The following PDZRN4 variants were observed in gnomAD, a reference collection of about 807,000 sequenced individuals.
PDZRN4 encodes PDZ domain-containing RING finger protein 4.
Under a neutral mutation model 99.0 loss-of-function variants are expected in PDZRN4, and 70 were observed. The ratio of observed to expected loss-of-function variants is 0.71; its 90% CI spans 0.58 to 0.86. The LOEUF (loss-of-function observed/expected upper bound fraction) is 0.86. PDZRN4 is among the 40% of genes least tolerant of loss of function. The probability of loss-of-function intolerance (pLI) is 0.00; values close to 1 mark genes in which losing one functional copy is unlikely to be tolerated. For synonymous variants in PDZRN4, 551 were observed against 501.6 expected (o/e 1.10, Z -1.32); for missense variants, 1,474 against 1,331.2 (o/e 1.11, Z -1.67).
chr12:41,322,449 T>C (rs1459150197), intron 3 of PDZRN4, among the ~76,000 whole-genome samples: 2 of 151,426 alleles, frequency 1.3e-5, no homozygotes, highest in Non-Finnish European at 2.9e-5. Context: ...TTATGGAATG[T>C]TGTATAAAAC....
At chr12:41,353,805 A>T (rs1951908155) in intron 3 of PDZRN4, among the ~76,000 whole-genome samples, 1 of 152,090 alleles carries the variant, frequency 6.6e-6, no homozygotes, top group South Asian at 2.1e-4. Flanking sequence ...TTTCTACTTT[A>T]ACCAGTTAGA....
intron 3 of PDZRN4, among the ~76,000 whole-genome samples, chr12:41,503,456 A>G (rs1326693299): frequency 3.3e-5 from 5 of 152,196 alleles, no homozygotes; most frequent in African/African-American, 1.2e-4. Context: ...GAACGCTAAT[A>G]TTGTTTGCAC....
At chr12:41,298,859 A>T (rs1166270150) in intron 3 of PDZRN4, among the ~76,000 whole-genome samples, 1 of 152,176 alleles carries the variant, frequency 6.6e-6, no homozygotes, top group Non-Finnish European at 1.5e-5. Context: ...AGAAAGCAAC[A>T]TATACCCCTT....
chr12:41,387,382 G>T (rs927206388), intron 3 of PDZRN4, among the ~76,000 whole-genome samples: 1 of 152,130 alleles, frequency 6.6e-6, no homozygotes, highest in Non-Finnish European at 1.5e-5. Context: ...TCAGGAGTTT[G>T]CAACCAGCCT....
chr12:41,494,345 G>A (rs567308235), intron 3 of PDZRN4, among the ~76,000 whole-genome samples: 18 of 152,050 alleles, frequency 1.2e-4, no homozygotes, highest in Admixed American at 1.3e-4. Flanking sequence ...AGTTGCTTAA[G>A]TTATTTAGTT....
At chr12:41,417,172 C>T (rs1355414837) in intron 3 of PDZRN4, among the ~76,000 whole-genome samples, 3 of 152,136 alleles carry the variant, frequency 2.0e-5, no homozygotes, top group Non-Finnish European at 4.4e-5. Context: ...TAAAGAAACA[C>T]ATCTTTAGAT....
intron 3 of PDZRN4, among the ~76,000 whole-genome samples, chr12:41,380,596 A>G (rs895924185): frequency 6.6e-6 from 1 of 152,090 alleles, no homozygotes; most frequent in Non-Finnish European, 1.5e-5. Flanking sequence ...AACTTTGATC[A>G]TGTAGAAAAC....
chr12:41,289,965 T>C (rs1951446983), intron 3 of PDZRN4, among the ~76,000 whole-genome samples: 1 of 152,194 alleles, frequency 6.6e-6, no homozygotes, highest in South Asian at 2.1e-4. Flanking sequence ...ATGAAAGCCT[T>C]GGAAATTTTG....
At chr12:41,470,767 C>T (rs903548049) in intron 3 of PDZRN4, among the ~76,000 whole-genome samples, 1 of 152,084 alleles carries the variant, frequency 6.6e-6, no homozygotes, top group Non-Finnish European at 1.5e-5. Flanking sequence ...TGATACAGAT[C>T]GCTTCTGCTT....
intron 3 of PDZRN4, among the ~76,000 whole-genome samples, chr12:41,351,818 G>A (rs1565559608): frequency 6.6e-6 from 1 of 151,978 alleles, no homozygotes; most frequent in South Asian, 2.1e-4. Context: ...TATCAAACAG[G>A]TGTATTGAAG....
At chr12:41,348,332 T>A (rs986265642) in intron 3 of PDZRN4, among the ~76,000 whole-genome samples, 1 of 152,096 alleles carries the variant, frequency 6.6e-6, no homozygotes, top group Non-Finnish European at 1.5e-5. Context: ...TAAGTCAAGA[T>A]AATTTTCATA....
chr12:41,386,431 T>C (rs1258880807), intron 3 of PDZRN4, among the ~76,000 whole-genome samples: 2 of 152,128 alleles, frequency 1.3e-5, no homozygotes, highest in African/African-American at 2.4e-5. Context: ...GTGAAAGATC[T>C]CTACAATGAG....
At chr12:41,548,633 A>C (rs1464447685) in intron 5 of PDZRN4, among the ~76,000 whole-genome samples, 2 of 152,188 alleles carry the variant, frequency 1.3e-5, no homozygotes, top group South Asian at 4.1e-4. Context: ...TATGGCATGC[A>C]TGGGCCTAAG....
chr12:41,230,415 T>A (rs1951020695), intron 3 of PDZRN4, among the ~76,000 whole-genome samples: 1 of 152,086 alleles, frequency 6.6e-6, no homozygotes, highest in South Asian at 2.1e-4. Flanking sequence ...TAATAACTAG[T>A]AACTGCGTCT....
rs981774577 is a variant in PDZRN4, at chr12:41,490,434, G to A, written c.844-16022G>A. ...CTTTCTCAGCGTGTCTAAATGGGCC[G>A]TAATTATTTGCAGACAAACATTGAA... On this transcript the variant is annotated intron_variant, in intron 3 of 9. Coordinates refer to ENST00000402685, the MANE Select transcript of PDZRN4 (RefSeq NM_001164595.2). Among the ~76,000 whole-genome samples the A allele has an allele frequency of 7.2e-5, 11 of 152,068 alleles. 1 individual carries two copies. Among genetic ancestry groups the A allele is most frequent in the Non-Finnish European group, 7.4e-5 (5 of 68,006 alleles).
intron 3 of PDZRN4, among the ~76,000 whole-genome samples, chr12:41,403,074 C>A (rs1295269444): frequency 2.0e-5 from 3 of 152,068 alleles, no homozygotes; most frequent in Admixed American, 6.6e-5. Context: ...TTTAAAAATT[C>A]AGAATTAATG....
At chr12:41,544,192 A>C (rs78674641) in intron 5 of PDZRN4, among the ~76,000 whole-genome samples, 10,007 of 152,280 alleles carry the variant, frequency 0.066, 824 homozygotes, top group East Asian at 0.17. Flanking sequence ...TGAATAAGTA[A>C]AAACTGAACA....
chr12:41,262,730 A>G (rs1946568), intron 3 of PDZRN4, among the ~76,000 whole-genome samples: 142,863 of 152,204 alleles, frequency 0.94, 67,252 homozygotes, highest in Middle Eastern at 0.98. Flanking sequence ...ACTAGTCATG[A>G]GCTGAATACT....
intron 3 of PDZRN4, among the ~76,000 whole-genome samples, chr12:41,334,559 G>A (rs1204000604): frequency 6.6e-6 from 1 of 152,036 alleles, no homozygotes; most frequent in Non-Finnish European, 1.5e-5. Flanking sequence ...CAATGCAGAT[G>A]GCTCTGGAGC....
Sources: allele counts gnomAD v4.1 joint callset (sites outside exome capture counted in the v4.1 genomes callset), GRCh38; gene constraint gnomAD v4.1.1; transcripts MANE v1.5; gene names NCBI Gene and HGNC (gene_info 2026-07-23, HGNC 2026-07-21).